CNTNAP2: variants seen among roughly 807,000 people sequenced by gnomAD.
The protein encoded by CNTNAP2 is contactin-associated protein-like 2.
Under a neutral mutation model 155.2 loss-of-function variants are expected in CNTNAP2, and 98 were observed. The observed-to-expected ratio is 0.63, with a 90% CI of 0.54 to 0.75. The LOEUF is 0.75. Ranked by LOEUF, CNTNAP2 falls within the 30% of genes least tolerant of loss-of-function variation. The probability of loss-of-function intolerance (pLI) is 0.00; values close to 1 mark genes in which losing one functional copy is unlikely to be tolerated. For missense variants in CNTNAP2, 1,727 were observed against 1,688.1 expected (o/e 1.02, Z -0.40); for synonymous variants, 651 against 631.2 (o/e 1.03, Z -0.47).
intron 14 of CNTNAP2, among the ~76,000 whole-genome samples, chr7:147,913,342 GC>G (rs1308796983): frequency 6.6e-6 from 1 of 152,108 alleles, no homozygotes; most frequent in African/African-American, 2.4e-5. Context: ...GGAAGTACTT[GC>G]CAGGCATGTC....
rs1798979087 is a variant in CNTNAP2 at position 147,029,120 on chromosome 7, C to A, written c.403-14787C>A. On this transcript the variant is annotated intron_variant, in intron 3 of 23. Coordinates refer to ENST00000361727, the MANE Select transcript of CNTNAP2 (RefSeq NM_014141.6). ...CTGGGACCACAGGCACCCGCCACCA[C>A]GCCCAGCTAATTTTTTGTATTTTTA... Among the ~76,000 whole-genome samples the A allele has an allele frequency of 3.9e-5, 6 of 152,012 alleles. No individual in the cohort carries two copies. In the South Asian group the frequency reaches 1.0e-3, roughly 26 times the overall value.
intron 15 of CNTNAP2, among the ~76,000 whole-genome samples, chr7:148,061,916 CAGAT>C (rs1803144610): frequency 1.1e-5 from 1 of 91,192 alleles, no homozygotes; most frequent in Non-Finnish European, 2.2e-5. Flanking sequence ...GATAGATAAA[CAGAT>C]ATAGATAGAT....
intron 3 of CNTNAP2, among the ~76,000 whole-genome samples, chr7:146,989,485 A>T: frequency 6.6e-6 from 1 of 152,016 alleles, no homozygotes; most frequent in South Asian, 2.1e-4. Flanking sequence ...TCAGGAAGAG[A>T]TCTTGTCAGC....
chr7:146,923,175 G>T (rs542420987), intron 3 of CNTNAP2, among the ~76,000 whole-genome samples: 1 of 152,230 alleles, frequency 6.6e-6, no homozygotes, highest in East Asian at 1.9e-4. Flanking sequence ...TTCCTTAAAG[G>T]GTGGTTGTTG....
At chr7:147,224,952 A>G (rs963541880) in intron 8 of CNTNAP2, among the ~76,000 whole-genome samples, 4 of 152,210 alleles carry the variant, frequency 2.6e-5, no homozygotes, top group Admixed American at 6.5e-5. Context: ...TAATGACTTT[A>G]GAGACAACTG....
At chr7:147,837,947 T>C (rs1190304706) in intron 13 of CNTNAP2, among the ~76,000 whole-genome samples, 1 of 152,128 alleles carries the variant, frequency 6.6e-6, no homozygotes, top group East Asian at 1.9e-4. Flanking sequence ...TGCATGGTAG[T>C]TCTCCATGAG....
intron 1 of CNTNAP2, among the ~76,000 whole-genome samples, chr7:146,760,259 T>C (rs1802068809): frequency 6.6e-6 from 1 of 151,968 alleles, no homozygotes; most frequent in South Asian, 2.1e-4. Context: ...ACATAAGAAA[T>C]CAGTAATTTT....
chr7:147,596,725 A>G (rs1422433954), intron 12 of CNTNAP2, among the ~76,000 whole-genome samples: 1 of 152,128 alleles, frequency 6.6e-6, no homozygotes, highest in African/African-American at 2.4e-5. Flanking sequence ...TAAGGCTGAG[A>G]CCTACTGAGC....
intron 4 of CNTNAP2, among the ~76,000 whole-genome samples, chr7:147,053,046 G>C (rs1799499929): frequency 6.6e-6 from 1 of 152,038 alleles, no homozygotes; most frequent in South Asian, 2.1e-4. Context: ...AGACAGCTGT[G>C]GATTGTCATT....
chr7:146,544,170 C>G (rs780764132), intron 1 of CNTNAP2, among the ~76,000 whole-genome samples: 14 of 151,910 alleles, frequency 9.2e-5, no homozygotes, highest in Non-Finnish European at 2.1e-4. Context: ...TCTAATAACA[C>G]AGAGTTCTCA....
chr7:147,360,704 CT>C (rs993459828), intron 9 of CNTNAP2, among the ~76,000 whole-genome samples: 59 of 152,194 alleles, frequency 3.9e-4, no homozygotes, highest in African/African-American at 1.2e-3. Context: ...TCCATGACCC[CT>C]ATGTGTTCAT....
Position 147,928,081 on chromosome 7 carries a change from A to G in CNTNAP2, c.2255+24360A>G, listed in dbSNP as rs954133665. On this transcript the variant is annotated intron_variant, in intron 14 of 23. Coordinates refer to ENST00000361727, the MANE Select transcript of CNTNAP2 (RefSeq NM_014141.6). ...GTTTCACAAGATCTGATGGTTTTAT[A>G]AGTGGTTTCCCCTTTTGCTTGGCTC... Among the ~76,000 whole-genome samples the G allele has an allele frequency of 5.3e-5, 8 of 152,286 alleles. 1 individual carries two copies. The highest frequency in any genetic ancestry group is 2.0e-4 in the Admixed American group (3 of 15,292).
In CNTNAP2 at chr7:146,677,980, G is replaced by A. The variant is rs572214129; in HGVS notation, c.98-96291G>A. Among the ~76,000 whole-genome samples the A allele has an allele frequency of 3.3e-5, 5 of 152,130 alleles. No individual in the cohort carries two copies. The East Asian group carries it at 9.7e-4, about 29-fold the overall frequency. On this transcript the variant is annotated intron_variant, in intron 1 of 23. Transcript: ENST00000361727. ...CCTCGCATAGTTCATGCTATTCTGA[G>A]CTATTTTACTTTTCTCAACATTTAG...
At chr7:147,105,973 C>T (rs1418215780) in intron 4 of CNTNAP2, among the ~76,000 whole-genome samples, 1 of 151,930 alleles carries the variant, frequency 6.6e-6, no homozygotes, top group Admixed American at 6.6e-5. Context: ...GTCACATTTT[C>T]TCATTGCTCT....
At chr7:148,384,106 A>C (rs1799135799) in intron 22 of CNTNAP2, among the ~76,000 whole-genome samples, 1 of 152,226 alleles carries the variant, frequency 6.6e-6, no homozygotes, top group South Asian at 2.1e-4. Flanking sequence ...TAAAGAATGT[A>C]GGAAGTATTA....
intron 8 of CNTNAP2, among the ~76,000 whole-genome samples, chr7:147,256,848 A>G (rs900678252): frequency 6.6e-6 from 1 of 152,102 alleles, no homozygotes; most frequent in Non-Finnish European, 1.5e-5. Flanking sequence ...TTTGGATATA[A>G]TAAGTTGAGT....
chr7:148,247,625 C>CTCTATT lies in CNTNAP2; in HGVS notation c.3381+17847_3381+17848insCTATTT, dbSNP rs373741779. Among the ~76,000 whole-genome samples, 802 of 105,232 alleles carry CTCTATT rather than the reference C, an allele frequency of 7.6e-3. 11 individuals carry two copies. The highest frequency in any genetic ancestry group is 0.019 in the East Asian group (56 of 2,890). 69.0% of individuals were successfully genotyped at this position (105,232 alleles called of 152,430 possible). A position where few individuals can be genotyped will look rare whatever the true frequency, so the allele number is the denominator to read the frequency against. ...TCTCTCTCTCTCTCTCTCTCTCTCTCTATTTATTTATTTATTTATTTATTT... is the reference window on the plus strand; with the variant it reads ...TCTCTCTCTCTCTCTCTCTCTCTCTCTCTATTTATTTATTTATTTATTTATTTATTT... On this transcript the variant is annotated intron_variant, in intron 20 of 23. Coordinates refer to ENST00000361727, the MANE Select transcript of CNTNAP2 (RefSeq NM_014141.6).
At chr7:146,589,684 A>G (rs1476405122) in intron 1 of CNTNAP2, among the ~76,000 whole-genome samples, 1 of 152,064 alleles carries the variant, frequency 6.6e-6, no homozygotes, top group Non-Finnish European at 1.5e-5. Context: ...CCACCATGGC[A>G]CGTGTATACT....
rs564691882 is a variant in CNTNAP2 at position 148,149,598 on chromosome 7, G to A, written c.2773+1889G>A. ...TCTCATCCTGTGGCCAGGCTGGAGT[G>A]CAATGGTGTGTTCTCAACTCACGAC... On this transcript the variant is annotated intron_variant, in intron 17 of 23. Coordinates refer to ENST00000361727, the MANE Select transcript of CNTNAP2 (RefSeq NM_014141.6). Among the ~76,000 whole-genome samples, 13 of 152,144 alleles carry A rather than the reference G, an allele frequency of 8.5e-5. No individual in the cohort carries two copies. In the South Asian group the frequency reaches 2.7e-3, roughly 32 times the overall value.
Sources: allele counts gnomAD v4.1 joint callset (sites outside exome capture counted in the v4.1 genomes callset), GRCh38; gene constraint gnomAD v4.1.1; transcripts MANE v1.5; gene names NCBI Gene and HGNC (gene_info 2026-07-23, HGNC 2026-07-21).